The following CA9 variants were observed in gnomAD, a reference collection of about 807,000 sequenced individuals.
CA9 encodes carbonic anhydrase 9, also known as CA-IX.
A neutral mutation model predicts 51.8 loss-of-function variants in CA9; 43 were observed. That is an observed-to-expected ratio of 0.83 (90% CI 0.65 to 1.07). CA9 has a LOEUF of 1.07. Ranked by LOEUF, CA9 falls within the 50% of genes least tolerant of loss-of-function variation. CA9 has a pLI of 0.00. For synonymous variants in CA9, 253 were observed against 244.2 expected, an observed-to-expected ratio of 1.04 and a Z score of -0.34; for missense variants, 574 against 581.4, an observed-to-expected ratio of 0.99 and a Z score of 0.13.
At chr9:35,675,666 G>GC in intron 2 of CA9, 95 bp from the exon 3 acceptor site, 2 of 751,836 alleles carry the variant, frequency 2.7e-6, no homozygotes, top group Non-Finnish European at 4.3e-6. Flanking sequence ...CGTCCCACCC[G>GC]CCGCCCACCG....
chr9:35,675,548 G>A lies in CA9; in HGVS notation c.414G>A (p.Gln138=), dbSNP rs182449416. 1.2e-6 allele frequency: 2 copies of A among 1,614,066 alleles called. No individual in the cohort carries two copies. The highest frequency in any genetic ancestry group is 1.7e-6 in the Non-Finnish European group (2 of 1,180,022). Residue 138 remains glutamine, a synonymous_variant, in exon 2 of 11, where the codon CAG becomes CAA. Transcript: ENST00000378357. The stretch of plus-strand genomic sequence containing the variant: ...TTTTCATTTATACAGGGGATGACCA[G>A]AGTCATTGGCGCTATGGAGGTGAGA... ...NAHRDKEGDD[Q]SHWRYGGDPP...
chr9:35,680,919 T>C (rs371139721), intron 10 of CA9, 46 bp from the exon 11 acceptor site: 1 of 1,612,242 alleles, frequency 6.2e-7, no homozygotes, highest in African/African-American at 1.3e-5. Flanking sequence ...AATGAGCTGC[T>C]CCTGGGCCAG....
chr9:35,675,908 G>C lies in CA9; in HGVS notation c.581G>C (p.Arg194Pro). 1 of 1,608,644 alleles carries C rather than the reference G, an allele frequency of 6.2e-7. No individual in the cohort carries two copies. The highest frequency in any genetic ancestry group is 8.5e-7 in the Non-Finnish European group (1 of 1,178,724). The change falls in exon 3 of 11, where the codon CGC becomes CCC. Residue 194 changes from arginine (R) to proline (P), a missense_variant. Transcript: ENST00000378357. ...CAGCTCCCGCCGCTCCCAGAACTGC[G>C]CCTGCGCAACAATGGCCACAGTGGT... ...GFQLPPLPEL[R>P]LRNNGHSVQL...
rs1824396311 is a variant in CA9 at position 35,675,426 on chromosome 9, AT to A, written c.404-109del. On this transcript the variant is annotated intron_variant, in intron 1 of 10. Coordinates refer to ENST00000378357, the MANE Select transcript of CA9 (RefSeq NM_001216.3). ...GCTTTGCACCTGGCCCGCTTAAGGC[AT>A]TTGTTACCCGTAATGCTCCTGTAAG... is the stretch of plus-strand genomic sequence containing the variant. 3 of 1,253,738 alleles carry A rather than the reference AT, an allele frequency of 2.4e-6. No homozygotes were observed. In the East Asian group the frequency reaches 7.0e-5, roughly 29 times the overall value. 77.7% of individuals were successfully genotyped at this position (1,253,738 alleles called of 1,614,324 possible).
rs573552495 is a variant in CA9 at position 35,679,863 on chromosome 9, C to T, written c.1075C>T (p.Leu359Phe). The change falls in exon 8 of 11, where the codon CTC (leucine) becomes TTC (phenylalanine). Residue 359 changes from leucine (L) to phenylalanine (F), a missense_variant. Transcript: ENST00000378357. The stretch of plus-strand genomic sequence containing the variant: ...CCACTGACCTCCCTAGCTCCACACC[C>T]TCTCTGACACCCTGTGGGGACCTGG... ...VMLSAKQLHT[L>F]SDTLWGPGDS... 6.2e-7 allele frequency: 1 copy of T among 1,607,568 alleles called. No homozygotes were observed. Among genetic ancestry groups the T allele is most frequent in the African/African-American group, 1.3e-5 (1 of 74,572 alleles).
chr9:35,678,963 CCTTT>C (rs761420330), intron 6 of CA9, among the ~76,000 whole-genome samples: 1 of 152,104 alleles, frequency 6.6e-6, no homozygotes, highest in Non-Finnish European at 1.5e-5. Context: ...TTCTCTCCTT[CCTTT>C]CTTTCTTCCT....
In CA9 at chr9:35,676,281, C is replaced by A; in HGVS notation, c.748-16C>A. 6.2e-7 allele frequency: 1 copy of A among 1,614,036 alleles called. No individual in the cohort carries two copies. Among genetic ancestry groups the A allele is most frequent in the East Asian group, 2.2e-5 (1 of 44,888 alleles). Reference sequence around the variant, plus strand: ...GCCAGAGACGTGGCCCTCTCCTACCCTCGTGTCCTTTTCAGATCCACGTGG... The same window carrying A: ...GCCAGAGACGTGGCCCTCTCCTACCATCGTGTCCTTTTCAGATCCACGTGG... On this transcript the variant is annotated splice_polypyrimidine_tract_variant and intron_variant, in intron 4 of 10. Transcript: ENST00000378357.
Position 35,681,079 on chromosome 9 carries a change from C to A in CA9, c.*54C>A, listed in dbSNP as rs576565120. 2.7e-6 allele frequency: 4 copies of A among 1,496,686 alleles called. No individual in the cohort carries two copies. In the Admixed American group the frequency reaches 6.9e-5, roughly 26 times the overall value. 92.7% of individuals were successfully genotyped at this position (1,496,686 alleles called of 1,614,324 possible). A position where few individuals can be genotyped will look rare whatever the true frequency, so the allele number is the denominator to read the frequency against. ...CAGCCAGAGGCATCTGAGGGGGAGC[C>A]GGTAACTGTCCTGTCCTGCTCATTA... On this transcript the variant is annotated 3_prime_UTR_variant, in exon 11 of 11. Coordinates refer to ENST00000378357, the MANE Select transcript of CA9 (RefSeq NM_001216.3).
chr9:35,678,639 G>C (rs201078790), intron 6 of CA9, among the ~76,000 whole-genome samples: 2 of 146,866 alleles, frequency 1.4e-5, no homozygotes, highest in Non-Finnish European at 3.0e-5. Flanking sequence ...TGTCTGTTTT[G>C]TATAGTTATC....
chr9:35,680,894 T>G (rs1587948434), intron 10 of CA9, 60 bp downstream of exon 10: 1 of 1,610,478 alleles, frequency 6.2e-7, no homozygotes, highest in African/African-American at 1.3e-5. Flanking sequence ...AGTCACTTCA[T>G]GCAAAGCGCA....
rs776104167 is a variant in CA9 at position 35,680,109 on chromosome 9, C to G, written c.1211-4C>G. ...CGCCTCTCACATCTCCTTTTTCTCT[C>G]CAGTCCAGCTGAATTCCTGCCTGGC... is the stretch of plus-strand genomic sequence containing the variant. On this transcript the variant is annotated splice_region_variant and splice_polypyrimidine_tract_variant and intron_variant, in intron 8 of 10. Coordinates refer to ENST00000378357, the MANE Select transcript of CA9 (RefSeq NM_001216.3). The G allele has an allele frequency of 6.2e-7, 1 of 1,614,210 alleles. No individual in the cohort carries two copies. Among genetic ancestry groups the G allele is most frequent in the Non-Finnish European group, 8.5e-7 (1 of 1,180,036 alleles).
At position 35,679,882 on chromosome 9, in the gene CA9, G is replaced by A. The variant is rs748678761; in HGVS notation, c.1094G>A (p.Gly365Glu). The A allele has an allele frequency of 6.2e-6, 10 of 1,612,372 alleles. 2 individuals carry two copies. In the South Asian group the frequency reaches 1.1e-4, roughly 18 times the overall value. ...QLHTLSDTLW[G>E]PGDSRLQLNF... ...CACACCCTCTCTGACACCCTGTGGG[G>A]ACCTGGTGACTCTCGGCTACAGCTG... The change falls in exon 8 of 11, where the codon GGA (glycine) becomes GAA (glutamate). Residue 365 changes from glycine (G) to glutamate (E), a missense_variant. Physicochemically the swap from Gly to Glu is moderately conservative, Grantham distance 98. Transcript: ENST00000378357.
rs1824482529 is a variant in CA9, at chr9:35,679,224, T to G, written c.947T>G (p.Leu316Arg). ...GTCCCAGGACTGGACATATCTGCAC[T>G]CCTGCCCTCTGACTTCAGCCGCTAC... ...TQVPGLDISA[L>R]LPSDFSRYFQ... is the part of the protein sequence containing the mutation. The change falls in exon 7 of 11, where the codon CTC (leucine) becomes CGC (arginine). Residue 316 changes from leucine (L) to arginine (R), a missense_variant. Coordinates refer to ENST00000378357, the MANE Select transcript of CA9 (RefSeq NM_001216.3). The G allele has an allele frequency of 6.2e-7, 1 of 1,614,028 alleles. No individual in the cohort carries two copies. The highest frequency in any genetic ancestry group is 8.5e-7 in the Non-Finnish European group (1 of 1,180,026).
Position 35,673,984 on chromosome 9 carries a change from T to C in CA9, c.25T>C (p.Trp9Arg), listed in dbSNP as rs772868146. The C allele has an allele frequency of 1.2e-6, 2 of 1,608,092 alleles. No homozygotes were observed. The highest frequency in any genetic ancestry group is 2.7e-5 in the African/African-American group (2 of 74,906). Residue 9 changes from tryptophan (W) to arginine (R), a missense_variant, in exon 1 of 11, where the codon TGG becomes CGG. Transcript: ENST00000378357. ...CATGGCTCCCCTGTGCCCCAGCCCC[T>C]GGCTCCCTCTGTTGATCCCGGCCCC... Reference protein sequence around the residue: MAPLCPSPWLPLLIPAPAP... With the variant: MAPLCPSPRLPLLIPAPAP...
intron 5 of CA9, 61 bp from the exon 6 acceptor site, chr9:35,677,729 C>T: frequency 7.5e-7 from 1 of 1,339,142 alleles, no homozygotes; most frequent in South Asian, 1.2e-5. Flanking sequence ...CCTTCATGTT[C>T]CGGCCTTCAG....
chr9:35,675,788 C>T lies in CA9; in HGVS notation c.461C>T (p.Pro154Leu). 1.2e-6 allele frequency: 2 copies of T among 1,603,266 alleles called. No individual in the cohort carries two copies. Among genetic ancestry groups the T allele is most frequent in the Non-Finnish European group, 1.7e-6 (2 of 1,179,330 alleles). ...GACCCGCCCTGGCCCCGGGTGTCCC[C>T]AGCCTGCGCGGGCCGCTTCCAGTCC... is the stretch of plus-strand genomic sequence containing the variant. ...GGDPPWPRVS[P>L]ACAGRFQSPV... The change falls in exon 3 of 11, where the codon CCA becomes CTA. Residue 154 changes from proline (P) to leucine (L), a missense_variant. Transcript: ENST00000378357.
rs11424505 is a variant in CA9, at chr9:35,678,392, CA to C, written c.907+544del. ...AAACCAAGCAAAAACCAAAATGAGA[CA>C]AAAAAAACAAGACCAAAAAATGGTG... On this transcript the variant is annotated intron_variant, in intron 6 of 10. Transcript: ENST00000378357. Among the ~76,000 whole-genome samples the C allele has an allele frequency of 9.6e-4, 139 of 145,068 alleles. 2 individuals are homozygous for C. The highest frequency in any genetic ancestry group is 3.3e-3 in the African/African-American group (132 of 39,834).
In CA9 at chr9:35,676,277, T is replaced by C. The variant is rs1325490863; in HGVS notation, c.748-20T>C. On this transcript the variant is annotated intron_variant, in intron 4 of 10. Coordinates refer to ENST00000378357, the MANE Select transcript of CA9 (RefSeq NM_001216.3). ...CGGGGCCAGAGACGTGGCCCTCTCCTACCCTCGTGTCCTTTTCAGATCCAC... is the reference window on the plus strand; with the variant it reads ...CGGGGCCAGAGACGTGGCCCTCTCCCACCCTCGTGTCCTTTTCAGATCCAC... 1.9e-6 allele frequency: 3 copies of C among 1,613,994 alleles called. No individual in the cohort carries two copies. Among genetic ancestry groups the C allele is most frequent in the Non-Finnish European group, 2.5e-6 (3 of 1,179,976 alleles).
rs1324413955 is a variant in CA9 at position 35,675,759 on chromosome 9, A to G, written c.434-2A>G. 1 of 1,553,554 alleles carries G rather than the reference A, an allele frequency of 6.4e-7. No homozygotes were observed. The highest frequency in any genetic ancestry group is 1.4e-5 in the African/African-American group (1 of 69,616). On this transcript the variant is annotated splice_acceptor_variant, in intron 2 of 10. Coordinates refer to ENST00000378357, the MANE Select transcript of CA9 (RefSeq NM_001216.3). LOFTEE classifies it high-confidence loss of function. Reference sequence around the variant, plus strand: ...CTTCCTCACTATACTCTCCCACCCCAGGCGACCCGCCCTGGCCCCGGGTGT... The same window carrying G: ...CTTCCTCACTATACTCTCCCACCCCGGGCGACCCGCCCTGGCCCCGGGTGT...
Sources: allele counts gnomAD v4.1 joint callset (sites outside exome capture counted in the v4.1 genomes callset), GRCh38; gene constraint gnomAD v4.1.1; transcripts MANE v1.5; gene names NCBI Gene and HGNC (gene_info 2026-07-23, HGNC 2026-07-21).